Variants in ERBIN observed in about 807,000 individuals in gnomAD.
ERBIN encodes the protein erbb2 interacting protein.
A neutral mutation model predicts 158.4 loss-of-function variants in ERBIN; 60 were observed. That is an observed-to-expected ratio of 0.38 (90% confidence interval 0.31 to 0.47). ERBIN has a LOEUF of 0.47. ERBIN is among the 20% of genes least tolerant of loss of function. The pLI is 0.99. For synonymous variants in ERBIN, 594 were observed against 557.2 expected (o/e 1.07, Z -0.93); for missense variants, 1,610 against 1,648.0 (o/e 0.98, Z 0.40).
chr5:66,006,043 A>G (rs1753555140), intron 4 of ERBIN, among the ~76,000 whole-genome samples: 1 of 151,524 alleles, frequency 6.6e-6, no homozygotes, highest in African/African-American at 2.4e-5. Context: ...TGCAAAAAAA[A>G]CTAAAGTTCA....
intron 21 of ERBIN, among the ~76,000 whole-genome samples, chr5:66,069,792 C>G (rs938683229): frequency 1.3e-5 from 2 of 152,102 alleles, no homozygotes; most frequent in African/African-American, 4.8e-5. Flanking sequence ...CCCATAGTTT[C>G]CTTGTGAAGT....
chr5:65,941,196 C>T (rs1022485959), intron 1 of ERBIN, among the ~76,000 whole-genome samples: 33 of 152,022 alleles, frequency 2.2e-4, no homozygotes, highest in African/African-American at 6.8e-4. Context: ...CCGCAGGGTC[C>T]TCTGCATATG....
At chr5:66,025,187 A>G (rs1328752351) in intron 10 of ERBIN, 1 of 336,002 alleles carries the variant, frequency 3.0e-6, no homozygotes, top group East Asian at 7.5e-5. Flanking sequence ...CATTGTTTTT[A>G]GAAGCAGAGC....
rs946520354 is a variant in ERBIN, at chr5:66,081,905, A to T, written c.*3375A>T. Reference sequence around the variant, plus strand: ...AGTGAACAAGATGCCTCTTTAAAAAAAAAAAAGAAAAAGTAATCTAGACAG... The same window carrying T: ...AGTGAACAAGATGCCTCTTTAAAAATAAAAAAGAAAAAGTAATCTAGACAG... On this transcript the variant is annotated 3_prime_UTR_variant, in exon 26 of 26. Transcript: ENST00000284037. 6.6e-6 allele frequency: 1 copy of T among 152,062 alleles called. No individual in the cohort carries two copies. Among genetic ancestry groups the T allele is most frequent in the Non-Finnish European group, 1.5e-5 (1 of 67,976 alleles). 9.4% of individuals were successfully genotyped at this position (152,062 alleles called of 1,614,324 possible). A position where few individuals can be genotyped will look rare whatever the true frequency, so the allele number is the denominator to read the frequency against.
intron 4 of ERBIN, among the ~76,000 whole-genome samples, chr5:66,007,116 A>G (rs1382284664): frequency 6.6e-6 from 1 of 152,140 alleles, no homozygotes; most frequent in Non-Finnish European, 1.5e-5. Flanking sequence ...ACTCTTCACA[A>G]TAGCAAAGAC....
In ERBIN at chr5:66,072,296, G is replaced by T; in HGVS notation, c.3756+5G>T. On this transcript the variant is annotated splice_donor_5th_base_variant and intron_variant, in intron 22 of 25. Transcript: ENST00000284037. Reference sequence around the variant, plus strand: ...CCTCCAGACAGCTTGATGAAAGTGGGTGCTCGGGAAAACAAAATGTAGTAT... The same window carrying T: ...CCTCCAGACAGCTTGATGAAAGTGGTTGCTCGGGAAAACAAAATGTAGTAT... 6.5e-7 allele frequency: 1 copy of T among 1,549,612 alleles called. No homozygotes were observed. The highest frequency in any genetic ancestry group is 8.7e-7 in the Non-Finnish European group (1 of 1,146,600).
chr5:66,014,260 G>A (rs889633769), intron 6 of ERBIN, among the ~76,000 whole-genome samples: 1 of 152,108 alleles, frequency 6.6e-6, no homozygotes, highest in African/African-American at 2.4e-5. Flanking sequence ...TTAGTGGAAT[G>A]TACATCAATG....
intron 4 of ERBIN, among the ~76,000 whole-genome samples, chr5:66,005,142 C>T (rs550265637): frequency 1.3e-5 from 2 of 152,082 alleles, no homozygotes; most frequent in African/African-American, 4.8e-5. Flanking sequence ...AGTTCAAATG[C>T]TGTTTCAGTC....
At chr5:65,980,802 A>G (rs955310724) in intron 1 of ERBIN, among the ~76,000 whole-genome samples, 1 of 152,208 alleles carries the variant, frequency 6.6e-6, no homozygotes, top group African/African-American at 2.4e-5. Context: ...CTGTATAATG[A>G]ATCTCCAACA....
chr5:66,040,089 C>T (rs541076571), intron 15 of ERBIN, among the ~76,000 whole-genome samples: 345 of 151,978 alleles, frequency 2.3e-3, no homozygotes, highest in Non-Finnish European at 4.1e-3. Context: ...AGAATAATAG[C>T]CAATTTGAGT....
chr5:66,001,661 T>C (rs1329107750), intron 4 of ERBIN, among the ~76,000 whole-genome samples: 3 of 152,198 alleles, frequency 2.0e-5, no homozygotes, highest in Non-Finnish European at 2.9e-5. Context: ...AGGGATTTAA[T>C]ATTTGTATTT....
Position 65,994,782 on chromosome 5 carries a change from T to C in ERBIN, c.225T>C (p.Ser75=), listed in dbSNP as rs1752240191. The C allele has an allele frequency of 6.2e-7, 1 of 1,608,898 alleles. No homozygotes were observed. The highest frequency in any genetic ancestry group is 2.2e-5 in the East Asian group (1 of 44,520). Residue 75 remains serine (S), a synonymous_variant, in exon 4 of 26, where the codon AGT becomes AGC. Transcript: ENST00000284037. ...LFNCQSLHKL[S]LPDNDLTTLP... is the part of the protein sequence containing the mutation. ...ACTGTCAGTCTTTACACAAACTGAG[T>C]TTGCCAGACAATGATTTAACAACGT...
rs529424365 is a variant in ERBIN, at chr5:66,050,224, T to G, written c.1904-559T>G. On this transcript the variant is annotated intron_variant, in intron 19 of 25. Coordinates refer to ENST00000284037, the MANE Select transcript of ERBIN (RefSeq NM_001253697.2). Reference sequence around the variant, plus strand: ...TCACCTTGTCAGTAACTAAATCGAATTCTTTTTTTTTTTTTTTTTTTTTTT... The same window carrying G: ...TCACCTTGTCAGTAACTAAATCGAAGTCTTTTTTTTTTTTTTTTTTTTTTT... 4.9e-4 allele frequency among the ~76,000 whole-genome samples: 12 copies of G among 24,726 alleles called. 5 individuals carry two copies. The highest frequency in any genetic ancestry group is 2.7e-3 in the African/African-American group (12 of 4,406). 16.2% of individuals were successfully genotyped at this position (24,726 alleles called of 152,430 possible). A position where few individuals can be genotyped will look rare whatever the true frequency, so the allele number is the denominator to read the frequency against.
intron 9 of ERBIN, among the ~76,000 whole-genome samples, chr5:66,023,689 T>TG: frequency 6.6e-6 from 1 of 150,768 alleles, no homozygotes; most frequent in Admixed American, 6.6e-5. Flanking sequence ...TTTTTTTTTT[T>TG]TTTTGAGACA....
At chr5:65,974,484 C>A (rs1291287852) in intron 1 of ERBIN, among the ~76,000 whole-genome samples, 2 of 152,204 alleles carry the variant, frequency 1.3e-5, no homozygotes, top group Admixed American at 6.5e-5. Context: ...TTTTCAGAGA[C>A]CATCTATATG....
At chr5:66,035,992 G>A (rs1350726431) in intron 14 of ERBIN, among the ~76,000 whole-genome samples, 2 of 152,126 alleles carry the variant, frequency 1.3e-5, no homozygotes, top group African/African-American at 4.8e-5. Context: ...GGGAGGCTGA[G>A]GCGGGAGGAT....
At chr5:65,960,823 T>C (rs1363528882) in intron 1 of ERBIN, among the ~76,000 whole-genome samples, 2 of 152,212 alleles carry the variant, frequency 1.3e-5, no homozygotes, top group African/African-American at 4.8e-5. Context: ...TGTCTTTATA[T>C]GTTTACAGTT....
chr5:65,958,493 C>T (rs1045529953), intron 1 of ERBIN, among the ~76,000 whole-genome samples: 1 of 151,780 alleles, frequency 6.6e-6, no homozygotes, highest in Non-Finnish European at 1.5e-5. Context: ...GGGCGGTGCG[C>T]GCCTGCAATC....
intron 1 of ERBIN, among the ~76,000 whole-genome samples, chr5:65,947,687 G>A (rs1329821457): frequency 6.6e-6 from 1 of 152,132 alleles, no homozygotes; most frequent in Non-Finnish European, 1.5e-5. Context: ...GAATTCTCCA[G>A]AAGAGACAAA....
Sources: allele counts gnomAD v4.1 joint callset (sites outside exome capture counted in the v4.1 genomes callset), GRCh38; gene constraint gnomAD v4.1.1; transcripts MANE v1.5; gene names NCBI Gene and HGNC (gene_info 2026-07-23, HGNC 2026-07-21).